The following EDNRB variants were observed in gnomAD, a reference collection of about 807,000 sequenced individuals.
The protein encoded by EDNRB is endothelin receptor type B.
A neutral mutation model predicts 46.4 loss-of-function variants in EDNRB; 18 were observed. The ratio of observed to expected loss-of-function variants is 0.39; its 90% CI spans 0.27 to 0.57. The LOEUF (loss-of-function observed/expected upper bound fraction) is 0.57, where lower values mean the gene tolerates loss of function less well. Among genes scored for constraint, EDNRB ranks in the 20% least tolerant of loss-of-function variants. The pLI is 0.61. For missense variants in EDNRB, 434 were observed against 537.5 expected (o/e 0.81, Z 1.90); for synonymous variants, 213 against 204.9 (o/e 1.04, Z -0.34).
chr13:77,933,325 C>A (rs138439248), intron 1 of EDNRB, among the ~76,000 whole-genome samples: 1 of 151,916 alleles, frequency 6.6e-6, no homozygotes, highest in African/African-American at 2.4e-5. Flanking sequence ...AGAGAGTCAG[C>A]GAAGGGAGAC....
In EDNRB at chr13:77,898,003, C is replaced by T. The variant is rs1878721741; in HGVS notation, c.*197G>A. 2 of 1,377,322 alleles carry T rather than the reference C, an allele frequency of 1.5e-6. No individual in the cohort carries two copies. Among genetic ancestry groups the T allele is most frequent in the African/African-American group, 1.5e-5 (1 of 68,106 alleles). The allele number at this position is 1,377,322 out of a possible 1,614,324, so 85.3% of individuals were successfully genotyped here. A position where few individuals can be genotyped will look rare whatever the true frequency, so the allele number is the denominator to read the frequency against. Reference sequence around the variant, plus strand: ...CACGACGAGGCTTTCTTAATTCCCACTGATTTTCTTTCCATGCCGTAAACA... The same window carrying T: ...CACGACGAGGCTTTCTTAATTCCCATTGATTTTCTTTCCATGCCGTAAACA... On this transcript the variant is annotated 3_prime_UTR_variant, in exon 7 of 7. Transcript: ENST00000646607.
chr13:77,951,039 C>A (rs1458456923), intron 1 of EDNRB, among the ~76,000 whole-genome samples: 4 of 152,280 alleles, frequency 2.6e-5, no homozygotes, highest in Non-Finnish European at 4.4e-5. Flanking sequence ...AAATTGAATT[C>A]TCTTATTCAC....
At position 77,897,249 on chromosome 13, in the gene EDNRB, A is replaced by G. The variant is rs201394720; in HGVS notation, c.*951T>C. The G allele has an allele frequency of 2.0e-6, 2 of 985,146 alleles. No individual in the cohort carries two copies. Among genetic ancestry groups the G allele is most frequent in the Non-Finnish European group, 2.4e-6 (2 of 829,884 alleles). 61.0% of individuals were successfully genotyped at this position (985,146 alleles called of 1,614,324 possible). ...TCATTTAATCATCTACATGCAGTGTATGTAGGTAAGTATTTACAGATGACA... is the reference window on the plus strand; with the variant it reads ...TCATTTAATCATCTACATGCAGTGTGTGTAGGTAAGTATTTACAGATGACA... On this transcript the variant is annotated 3_prime_UTR_variant, in exon 7 of 7. Coordinates refer to ENST00000646607, the MANE Select transcript of EDNRB (RefSeq NM_001122659.3).
intron 1 of EDNRB, among the ~76,000 whole-genome samples, chr13:77,911,393 C>G (rs1275685268): frequency 2.6e-5 from 4 of 152,048 alleles, no homozygotes; most frequent in Non-Finnish European, 5.9e-5. Flanking sequence ...ACTATGGAAT[C>G]TGAAAGCTCA....
At chr13:77,947,065 T>C (rs1880943038) in intron 1 of EDNRB, among the ~76,000 whole-genome samples, 2 of 152,254 alleles carry the variant, frequency 1.3e-5, no homozygotes, top group Non-Finnish European at 2.9e-5. Context: ...TTACTGTTAA[T>C]GTTGACATTG....
intron 1 of EDNRB, among the ~76,000 whole-genome samples, chr13:77,974,915 A>C (rs1881842906): frequency 6.6e-6 from 1 of 152,114 alleles, no homozygotes; most frequent in African/African-American, 2.4e-5. Context: ...AGTTCCTAGT[A>C]GGGTGGGCTT....
intron 1 of EDNRB, among the ~76,000 whole-genome samples, chr13:77,931,193 G>A (rs1880386798): frequency 6.6e-6 from 1 of 152,128 alleles, no homozygotes; most frequent in Non-Finnish European, 1.5e-5. Context: ...TACATGTGTA[G>A]TTGAGACTAA....
At chr13:77,915,486 C>T (rs1270222807) in intron 1 of EDNRB, among the ~76,000 whole-genome samples, 1 of 152,156 alleles carries the variant, frequency 6.6e-6, no homozygotes, top group African/African-American at 2.4e-5. Context: ...ACCACAGGGT[C>T]TTGGGCTGGA....
At chr13:77,974,997 A>T (rs1024226172) in intron 1 of EDNRB, among the ~76,000 whole-genome samples, 2 of 152,106 alleles carry the variant, frequency 1.3e-5, no homozygotes, top group Non-Finnish European at 2.9e-5. Flanking sequence ...CAAAACAAAG[A>T]ACCGGTAAAA....
intron 6 of EDNRB, 59 bp from the exon 7 acceptor site, chr13:77,898,393 C>T (rs1323250450): frequency 1.2e-6 from 2 of 1,605,510 alleles, no homozygotes; most frequent in Admixed American, 3.3e-5. Context: ...CCAACTCTTC[C>T]TCCTCTCCAG....
intron 5 of EDNRB, 84 bp downstream of exon 5, chr13:77,900,437 G>A: frequency 6.3e-7 from 1 of 1,586,898 alleles, no homozygotes; most frequent in East Asian, 2.2e-5. Context: ...ATGGTAGTCT[G>A]TCTTTCTGCC....
intron 1 of EDNRB, among the ~76,000 whole-genome samples, chr13:77,911,542 G>A (rs946116498): frequency 2.6e-5 from 4 of 152,036 alleles, no homozygotes; most frequent in Non-Finnish European, 5.9e-5. Context: ...CAGGTCAGCA[G>A]GCATGAGTGC....
chr13:77,902,630 T>C (rs1453058973), intron 3 of EDNRB, among the ~76,000 whole-genome samples: 1 of 151,874 alleles, frequency 6.6e-6, no homozygotes, highest in Non-Finnish European at 1.5e-5. Context: ...CCCTGCTCTT[T>C]TTAAAATAGC....
chr13:77,912,778 C>A (rs1420264021), intron 1 of EDNRB, among the ~76,000 whole-genome samples: 1 of 152,080 alleles, frequency 6.6e-6, no homozygotes, highest in African/African-American at 2.4e-5. Flanking sequence ...TTACATAAAT[C>A]ATACAGGTTC....
intron 1 of EDNRB, among the ~76,000 whole-genome samples, chr13:77,931,744 C>CAAAAAAAAGAAAA (rs1880408749): frequency 1.2e-5 from 1 of 83,450 alleles, no homozygotes. Flanking sequence ...ACTGTAGTAG[C>CAAAAAAAAGAAAA]AAAAAAAAAA....
chr13:77,948,367 C>T (rs2137671879), intron 1 of EDNRB, among the ~76,000 whole-genome samples: 2 of 152,278 alleles, frequency 1.3e-5, no homozygotes, highest in Admixed American at 1.3e-4. Context: ...TTTGGATTAA[C>T]ACATAACCTC....
chr13:77,896,927 T>G lies in EDNRB; in HGVS notation c.*1273A>C. 1 of 995,084 alleles carries G rather than the reference T, an allele frequency of 1.0e-6. No individual in the cohort carries two copies. Among genetic ancestry groups the G allele is most frequent in the Non-Finnish European group, 1.2e-6 (1 of 836,506 alleles). 61.6% of individuals were successfully genotyped at this position (995,084 alleles called of 1,614,324 possible). On this transcript the variant is annotated 3_prime_UTR_variant, in exon 7 of 7. Coordinates refer to ENST00000646607, the MANE Select transcript of EDNRB (RefSeq NM_001122659.3). ...CTCAAAAAGCAGTTTTGCCTCTAGATGAAAGAAAAGCACCATGTCAAGCAA... is the reference window on the plus strand; with the variant it reads ...CTCAAAAAGCAGTTTTGCCTCTAGAGGAAAGAAAAGCACCATGTCAAGCAA...
chr13:77,967,965 T>C (rs993023398), intron 1 of EDNRB, among the ~76,000 whole-genome samples: 1 of 152,152 alleles, frequency 6.6e-6, no homozygotes, highest in Non-Finnish European at 1.5e-5. Context: ...GGCATCCAAA[T>C]GCATTGTTCA....
chr13:77,902,129 A>G (rs1485548403), intron 3 of EDNRB, among the ~76,000 whole-genome samples: 1 of 151,934 alleles, frequency 6.6e-6, no homozygotes, highest in African/African-American at 2.4e-5. Context: ...TTGCAATGGC[A>G]GCTTTCTTTT....
Sources: allele counts gnomAD v4.1 joint callset (sites outside exome capture counted in the v4.1 genomes callset), GRCh38; gene constraint gnomAD v4.1.1; transcripts MANE v1.5; gene names NCBI Gene and HGNC (gene_info 2026-07-23, HGNC 2026-07-21).